The following ATCAY variants were observed in gnomAD, a reference collection of about 807,000 sequenced individuals.
The protein encoded by ATCAY is caytaxin.
A neutral mutation model predicts 47.7 loss-of-function variants in ATCAY; 22 were observed. That is an observed-to-expected ratio of 0.46 (90% CI 0.33 to 0.66). ATCAY has a LOEUF of 0.66. Among genes scored for constraint, ATCAY ranks in the 30% least tolerant of loss-of-function variants. The probability of loss-of-function intolerance (pLI) is 0.02; values close to 1 mark genes in which losing one functional copy is unlikely to be tolerated. For synonymous variants in ATCAY, 216 were observed against 207.6 expected, an observed-to-expected ratio of 1.04 and a Z score of -0.35; for missense variants, 452 against 515.0, an observed-to-expected ratio of 0.88 and a Z score of 1.18.
At chr19:3,922,306 C>T in intron 12 of ATCAY, 1 of 681,466 alleles carries the variant, frequency 1.5e-6, no homozygotes, top group Non-Finnish European at 2.7e-6. Flanking sequence ...GTTTAATTGA[C>T]TCACAGTTCT....
chr19:3,906,875 C>T (rs548918797), intron 4 of ATCAY, among the ~76,000 whole-genome samples: 9 of 152,118 alleles, frequency 5.9e-5, no homozygotes, highest in African/African-American at 1.2e-4. Context: ...CAGTGACTCA[C>T]GCCTGTAATC....
At position 3,885,862 on chromosome 19, in the gene ATCAY, C is replaced by T. The variant is rs1347379990; in HGVS notation, c.77+18C>T. On this transcript the variant is annotated intron_variant, in intron 2 of 12. Transcript: ENST00000450849. ...CTTCCCAGGTAGGACTTCCACATCC[C>T]TGAGTCAACCGTTGGGGGAGCAGGT... 1 of 1,550,632 alleles carries T rather than the reference C, an allele frequency of 6.4e-7. No individual in the cohort carries two copies. The highest frequency in any genetic ancestry group is 1.4e-5 in the African/African-American group (1 of 72,988).
At chr19:3,909,128 T>A (rs543382146) in intron 6 of ATCAY, among the ~76,000 whole-genome samples, 5 of 131,906 alleles carry the variant, frequency 3.8e-5, no homozygotes, top group African/African-American at 1.2e-4. Flanking sequence ...TCCCAGCTAC[T>A]AGGGAGGCTG....
chr19:3,918,546 T>C (rs1191693884), intron 10 of ATCAY, among the ~76,000 whole-genome samples: 3 of 123,726 alleles, frequency 2.4e-5, no homozygotes, highest in African/African-American at 2.9e-5. Context: ...CAGAGCAAGA[T>C]CCTGTCTCAA....
chr19:3,898,969 C>T (rs112036581), intron 2 of ATCAY, among the ~76,000 whole-genome samples: 13 of 152,166 alleles, frequency 8.5e-5, no homozygotes, highest in African/African-American at 1.9e-4. Context: ...CGTGAGCCAC[C>T]GCGCCTGGCC....
chr19:3,895,835 C>G (rs1183322154), intron 2 of ATCAY, among the ~76,000 whole-genome samples: 2 of 151,440 alleles, frequency 1.3e-5, no homozygotes, highest in Non-Finnish European at 2.9e-5. Context: ...CCTGCCTCAG[C>G]CTCCTTAGTA....
In ATCAY at chr19:3,908,442, G is replaced by A. The variant is rs1021513445; in HGVS notation, c.647+72G>A. On this transcript the variant is annotated intron_variant, in intron 6 of 12. Transcript: ENST00000450849. ...TCCCTGGCCACAGGGGCACCAGGCTGCAAGGATTGCATTGTGGCCCTAGGA... is the reference window on the plus strand; with the variant it reads ...TCCCTGGCCACAGGGGCACCAGGCTACAAGGATTGCATTGTGGCCCTAGGA... 3.0e-6 allele frequency: 4 copies of A among 1,351,568 alleles called. No individual in the cohort carries two copies. The African/African-American group carries it at 5.8e-5, about 20-fold the overall frequency. The allele number at this position is 1,351,568 out of a possible 1,614,324, so 83.7% of individuals were successfully genotyped here.
At chr19:3,894,639 A>AC (rs1321920439) in intron 2 of ATCAY, among the ~76,000 whole-genome samples, 1 of 150,666 alleles carries the variant, frequency 6.6e-6, no homozygotes, top group Non-Finnish European at 1.5e-5. Flanking sequence ...AAAAAAAAAA[A>AC]AAAAAAACTG....
chr19:3,915,335 G>C (rs1305925576), intron 9 of ATCAY, among the ~76,000 whole-genome samples: 1 of 85,618 alleles, frequency 1.2e-5, no homozygotes, highest in Admixed American at 1.8e-4. Context: ...GCCATGCCTG[G>C]CTAATTTTTT....
intron 9 of ATCAY, among the ~76,000 whole-genome samples, chr19:3,916,099 G>A (rs1223927518): frequency 6.6e-6 from 1 of 152,112 alleles, no homozygotes; most frequent in Non-Finnish European, 1.5e-5. Flanking sequence ...TTCTGTCTCT[G>A]GGAGTCTGAC....
chr19:3,910,999 CTG>C lies in ATCAY; in HGVS notation c.866+121_866+122del, dbSNP rs139307304. On this transcript the variant is annotated intron_variant, in intron 8 of 12. Transcript: ENST00000450849. Reference sequence around the variant, plus strand: ...TGTGCACGTGTGTGCGTGTGTGCATCTGTGTGTGTGTGCATCCATGTGTGTGT... The same window carrying C: ...TGTGCACGTGTGTGCGTGTGTGCATCTGTGTGTGTGCATCCATGTGTGTGT... The C allele has an allele frequency of 1.2e-3, 1,469 of 1,202,934 alleles. 16 individuals are homozygous for C. In the African/African-American group the frequency reaches 0.017, roughly 14 times the overall value. The allele number at this position is 1,202,934 out of a possible 1,614,324, so 74.5% of individuals were successfully genotyped here.
rs116184086 is a variant in ATCAY, at chr19:3,893,107, C to T, written c.77+7263C>T. Among the ~76,000 whole-genome samples, 337 of 151,690 alleles carry T rather than the reference C, an allele frequency of 2.2e-3. 3 individuals carry two copies. The highest frequency in any genetic ancestry group is 7.8e-3 in the African/African-American group (320 of 41,260). Reference sequence around the variant, plus strand: ...TAAACTTATCTCTTTTAGGGGAACACGATCCAACCCACCTCAGCAGGACGA... The same window carrying T: ...TAAACTTATCTCTTTTAGGGGAACATGATCCAACCCACCTCAGCAGGACGA... On this transcript the variant is annotated intron_variant, in intron 2 of 12. Coordinates refer to ENST00000450849, the MANE Select transcript of ATCAY (RefSeq NM_033064.5).
intron 5 of ATCAY, 108 bp from the exon 6 acceptor site, chr19:3,908,160 C>A: frequency 9.1e-7 from 1 of 1,093,126 alleles, no homozygotes. Flanking sequence ...TGGCTCGGAG[C>A]CATGCCCTCC....
At position 3,926,418 on chromosome 19, in the gene ATCAY, G is replaced by A. The variant is rs969402135; in HGVS notation, c.*1826G>A. 3 of 152,232 alleles carry A rather than the reference G, an allele frequency of 2.0e-5. No homozygotes were observed. Among genetic ancestry groups the A allele is most frequent in the African/African-American group, 7.2e-5 (3 of 41,446 alleles). The allele number at this position is 152,232 out of a possible 1,614,324, so 9.4% of individuals were successfully genotyped here. A position where few individuals can be genotyped will look rare whatever the true frequency, so the allele number is the denominator to read the frequency against. On this transcript the variant is annotated 3_prime_UTR_variant, in exon 13 of 13. Coordinates refer to ENST00000450849, the MANE Select transcript of ATCAY (RefSeq NM_033064.5). The stretch of plus-strand genomic sequence containing the variant: ...TCAGTCTGAGCAGACGGTGAGTAGG[G>A]CGGGCACATTCTCCAGGCCCTTCTT...
rs771970428 is a variant in ATCAY at position 3,920,893 on chromosome 19, C to A, written c.1106+95C>A. On this transcript the variant is annotated intron_variant, in intron 12 of 12. Transcript: ENST00000450849. ...TTCTCTAGAAGGACAGAAAATCAAA[C>A]CAGCTGCCAGCAAATATAAAGCAGG... is the stretch of plus-strand genomic sequence containing the variant. 3.5e-6 allele frequency: 5 copies of A among 1,429,386 alleles called. No individual in the cohort carries two copies. The East Asian group carries it at 1.2e-4, about 34-fold the overall frequency. The allele number at this position is 1,429,386 out of a possible 1,614,324, so 88.5% of individuals were successfully genotyped here.
At chr19:3,885,983 C>T (rs1020469076) in intron 2 of ATCAY, 139 bp downstream of exon 2, 8 of 799,864 alleles carry the variant, frequency 1.0e-5, no homozygotes, top group East Asian at 8.0e-5. Flanking sequence ...CCTCCTCTCC[C>T]GCACACTCTG....
chr19:3,902,669 G>C, intron 3 of ATCAY, 124 bp downstream of exon 3: 1 of 1,109,400 alleles, frequency 9.0e-7, no homozygotes, highest in Non-Finnish European at 1.3e-6. Flanking sequence ...TTCTGTCCTG[G>C]GGTCTATGGT....
intron 9 of ATCAY, among the ~76,000 whole-genome samples, chr19:3,914,235 C>CAAAAAAAAAAAAAAAAAAAAAAAAAAAAA (rs56742726): frequency 1.6e-5 from 1 of 62,606 alleles, no homozygotes; most frequent in African/African-American, 1.0e-4. Flanking sequence ...GACTCCATCG[C>CAAAAAAAAAAAAAAAAAAAAAAAAAAAAA]AAAAAAAAAA....
chr19:3,885,682 G>T, intron 1 of ATCAY, 45 bp from the exon 2 acceptor site: 1 of 1,153,766 alleles, frequency 8.7e-7, no homozygotes, highest in Non-Finnish European at 1.3e-6. Flanking sequence ...ATTGTCATTA[G>T]GACTATTGTC....
Sources: gnomAD v4.1 joint callset for allele counts (sites outside exome capture counted in the v4.1 genomes callset) on GRCh38, gnomAD v4.1.1 for gene constraint, MANE v1.5 for transcripts, NCBI Gene and HGNC (gene_info 2026-07-23, HGNC 2026-07-21) for gene names.